DPP10: variants seen among roughly 807,000 people sequenced by gnomAD.
DPP10 encodes dipeptidyl peptidase like 10, also known as inactive dipeptidyl peptidase 10.
In DPP10, 33 loss-of-function variants were observed where a neutral mutation model predicts 120.9. The observed-to-expected ratio is 0.27, with a 90% confidence interval of 0.21 to 0.37. The LOEUF (loss-of-function observed/expected upper bound fraction) is 0.37, where lower values mean the gene tolerates loss of function less well. Ranked by LOEUF, DPP10 falls within the 10% of genes least tolerant of loss-of-function variation. The pLI is 1.00. For missense variants in DPP10, 816 were observed against 942.8 expected, an observed-to-expected ratio of 0.87 and a Z score of 1.76; for synonymous variants, 337 against 326.1, an observed-to-expected ratio of 1.03 and a Z score of -0.36.
chr2:114,835,171 CACCTATGTATATATAGGACATATCTACAT>C lies in DPP10; in HGVS notation c.60+392362_60+392390del, dbSNP rs1558792459. The C allele has an allele frequency of 2.0e-3, 304 of 149,536 alleles. 2 individuals carry two copies. Among genetic ancestry groups the C allele is most frequent in the African/African-American group, 7.5e-3 (294 of 39,246 alleles). The allele number at this position is 149,536 out of a possible 1,614,324, so 9.3% of individuals were successfully genotyped here. Reference sequence around the variant, plus strand: ...TATGTATATATAAGCCATATCTACACACCTATGTATATATAGGACATATCTACATACCTATGTATATATAGGACATATCT... The same window carrying C: ...TATGTATATATAAGCCATATCTACACACCTATGTATATATAGGACATATCT... On this transcript the variant is annotated intron_variant, in intron 1 of 25. Transcript: ENST00000410059.
chr2:115,617,814 A>G (rs2084641846), intron 5 of DPP10, among the ~76,000 whole-genome samples: 1 of 152,096 alleles, frequency 6.6e-6, no homozygotes, highest in African/African-American at 2.4e-5. Context: ...TTTTTCCTTT[A>G]TGTCCATACC....
intron 3 of DPP10, among the ~76,000 whole-genome samples, chr2:115,363,858 A>C (rs1178161773): frequency 6.6e-6 from 1 of 152,142 alleles, no homozygotes; most frequent in Non-Finnish European, 1.5e-5. Flanking sequence ...TGTGCCCATC[A>C]TCGGGCCAAT....
chr2:114,486,141 G>A (rs17048419), intron 1 of DPP10, among the ~76,000 whole-genome samples: 3,704 of 152,128 alleles, frequency 0.024, 61 homozygotes, highest in Middle Eastern at 0.075. Context: ...GAAATTCAAC[G>A]CTGTAGTACT....
At position 114,988,100 on chromosome 2, in the gene DPP10, G is replaced by A. The variant is rs188636790; in HGVS notation, c.61-321139G>A. 7.4e-4 allele frequency among the ~76,000 whole-genome samples: 112 copies of A among 152,204 alleles called. 1 individual carries two copies. The highest frequency in any genetic ancestry group is 2.6e-3 in the African/African-American group (108 of 41,542). ...ATTACAGGCGTGAGCCACCGCGCCC[G>A]GCCGCCGGAGACTGAGTCTTGTTCA... On this transcript the variant is annotated intron_variant, in intron 1 of 25. Coordinates refer to ENST00000410059, the MANE Select transcript of DPP10 (RefSeq NM_020868.6).
chr2:115,451,246 T>C (rs777881100), intron 3 of DPP10, among the ~76,000 whole-genome samples: 2 of 151,946 alleles, frequency 1.3e-5, no homozygotes, highest in Admixed American at 6.6e-5. Flanking sequence ...TATTCCATTA[T>C]TAAGGATGAA....
intron 1 of DPP10, among the ~76,000 whole-genome samples, chr2:115,289,503 A>AAAAAAAT (rs70941042): frequency 1.1e-4 from 11 of 96,266 alleles, no homozygotes; most frequent in African/African-American, 4.2e-4. Context: ...AAAAAAAAAA[A>AAAAAAAT]AGGAAGAAAA....
chr2:114,576,532 C>T (rs140877227), intron 1 of DPP10, among the ~76,000 whole-genome samples: 1 of 152,188 alleles, frequency 6.6e-6, no homozygotes, highest in African/African-American at 2.4e-5. Context: ...TTTGATCCAA[C>T]CTTGTGGTTT....
chr2:114,766,556 A>G (rs1680720628), intron 1 of DPP10, among the ~76,000 whole-genome samples: 1 of 151,780 alleles, frequency 6.6e-6, no homozygotes, highest in Non-Finnish European at 1.5e-5. Context: ...AATGGTTAAC[A>G]GGTTCCAATG....
intron 1 of DPP10, among the ~76,000 whole-genome samples, chr2:114,891,905 T>C (rs1006812375): frequency 6.6e-6 from 1 of 152,192 alleles, no homozygotes; most frequent in Non-Finnish European, 1.5e-5. Context: ...CTCCAGTCCT[T>C]CTTGACAGGA....
chr2:115,088,863 G>A (rs570018112), intron 1 of DPP10, among the ~76,000 whole-genome samples: 1 of 150,746 alleles, frequency 6.6e-6, no homozygotes, highest in South Asian at 2.1e-4. Context: ...TGAGAAATTA[G>A]GAAAATGTTT....
chr2:114,628,026 T>C (rs192588158), intron 1 of DPP10, among the ~76,000 whole-genome samples: 2 of 152,236 alleles, frequency 1.3e-5, no homozygotes, highest in East Asian at 3.9e-4. Flanking sequence ...GATGAAAACA[T>C]TTTTTGGAGA....
intron 1 of DPP10, among the ~76,000 whole-genome samples, chr2:114,809,063 G>C (rs1486477222): frequency 1.3e-5 from 2 of 152,106 alleles, no homozygotes; most frequent in African/African-American, 2.4e-5. Flanking sequence ...TTACCTAGCT[G>C]TGTGATAATA....
intron 1 of DPP10, among the ~76,000 whole-genome samples, chr2:115,295,420 C>G (rs574775761): frequency 6.6e-6 from 1 of 152,122 alleles, no homozygotes; most frequent in East Asian, 1.9e-4. Flanking sequence ...ATAAAAGGTC[C>G]AAATGTTGCT....
chr2:114,827,299 A>AG (rs1263933134), intron 1 of DPP10, among the ~76,000 whole-genome samples: 4 of 152,196 alleles, frequency 2.6e-5, no homozygotes, highest in African/African-American at 9.7e-5. Flanking sequence ...AATGCTGGGC[A>AG]GGTAATAGGA....
At chr2:114,797,671 G>A (rs1443927176) in intron 1 of DPP10, among the ~76,000 whole-genome samples, 2 of 152,296 alleles carry the variant, frequency 1.3e-5, no homozygotes, top group Non-Finnish European at 2.9e-5. Context: ...CCATACTGAT[G>A]TAAAGAAATG....
At chr2:114,521,542 C>T (rs1345235701) in intron 1 of DPP10, among the ~76,000 whole-genome samples, 1 of 151,786 alleles carries the variant, frequency 6.6e-6, no homozygotes, top group African/African-American at 2.4e-5. Flanking sequence ...AAATTATAGT[C>T]TAAAAAGAGA....
chr2:114,964,614 G>A (rs1177816882), intron 1 of DPP10, among the ~76,000 whole-genome samples: 1 of 152,090 alleles, frequency 6.6e-6, no homozygotes, highest in East Asian at 1.9e-4. Flanking sequence ...AAGGCCATGA[G>A]GTGGAAGAAT....
At chr2:115,833,422 C>T (rs1471667504) in intron 21 of DPP10, among the ~76,000 whole-genome samples, 2 of 152,172 alleles carry the variant, frequency 1.3e-5, no homozygotes, top group African/African-American at 2.4e-5. Flanking sequence ...CTGCAACACC[C>T]TTCGCCCATC....
Position 115,022,067 on chromosome 2 carries a change from G to C in DPP10, c.61-287172G>C, listed in dbSNP as rs528087174. ...ACCCACAGCCAACATTATACTGAAC[G>C]GGGAAAAGTTGAAAGCATTCCCCTA... On this transcript the variant is annotated intron_variant, in intron 1 of 25. Transcript: ENST00000410059. Among the ~76,000 whole-genome samples, 13 of 152,118 alleles carry C rather than the reference G, an allele frequency of 8.5e-5. No individual in the cohort carries two copies. The South Asian group carries it at 2.7e-3, about 32-fold the overall frequency.
Sources: gnomAD v4.1 joint callset for allele counts (sites outside exome capture counted in the v4.1 genomes callset) on GRCh38, gnomAD v4.1.1 for gene constraint, MANE v1.5 for transcripts, NCBI Gene and HGNC (gene_info 2026-07-23, HGNC 2026-07-21) for gene names.